Variants in ENOX1 observed in about 807,000 individuals in gnomAD.
ENOX1 encodes candidate growth-related and time keeping constitutive hydroquinone (NADH) oxidase.
ENOX1 carries 42 observed loss-of-function variants against 82.5 expected under a neutral mutation model. That is an observed-to-expected ratio of 0.51 (90% CI 0.40 to 0.66). The LOEUF is 0.66. ENOX1 is among the 30% of genes least tolerant of loss of function. The probability of loss-of-function intolerance (pLI) is 0.00; values close to 1 mark genes in which losing one functional copy is unlikely to be tolerated. For missense variants in ENOX1, 608 were observed against 811.6 expected (o/e 0.75, Z 3.05); for synonymous variants, 271 against 282.2 (o/e 0.96, Z 0.40).
At chr13:43,703,105 T>C (rs1216900393) in intron 1 of ENOX1, among the ~76,000 whole-genome samples, 1 of 151,828 alleles carries the variant, frequency 6.6e-6, no homozygotes, top group Non-Finnish European at 1.5e-5. Context: ...CTTCATAGGC[T>C]CCAAAACAGA....
chr13:43,715,990 C>T (rs193270598), intron 1 of ENOX1, among the ~76,000 whole-genome samples: 43 of 152,274 alleles, frequency 2.8e-4, no homozygotes, highest in Admixed American at 6.5e-4. Flanking sequence ...AACTTCTTTG[C>T]CATTGGTTTG....
chr13:43,603,240 G>T (rs1404664874), intron 2 of ENOX1, among the ~76,000 whole-genome samples: 1 of 151,692 alleles, frequency 6.6e-6, no homozygotes, highest in African/African-American at 2.4e-5. Context: ...ATGCTATATT[G>T]TCATGCTTTT....
intron 2 of ENOX1, chr13:43,609,876 G>T: frequency 1.0e-5 from 10 of 967,196 alleles, no homozygotes; most frequent in Non-Finnish European, 1.2e-5. Flanking sequence ...TACTACTAGG[G>T]ACTTACTTCA....
At chr13:43,627,264 C>A (rs781466121) in intron 2 of ENOX1, among the ~76,000 whole-genome samples, 4 of 151,972 alleles carry the variant, frequency 2.6e-5, no homozygotes, top group Non-Finnish European at 2.9e-5. Flanking sequence ...AGACTATCTG[C>A]ATTTAATGCA....
chr13:43,275,964 T>G (rs923341880), intron 12 of ENOX1, among the ~76,000 whole-genome samples: 4 of 152,184 alleles, frequency 2.6e-5, no homozygotes, highest in African/African-American at 9.7e-5. Flanking sequence ...GAATCATAAC[T>G]TGTTCCACTT....
At chr13:43,582,345 A>T (rs1198091589) in intron 2 of ENOX1, among the ~76,000 whole-genome samples, 1 of 152,160 alleles carries the variant, frequency 6.6e-6, no homozygotes, top group African/African-American at 2.4e-5. Flanking sequence ...TAAATTAAAC[A>T]TTCCATCCAG....
intron 5 of ENOX1, among the ~76,000 whole-genome samples, chr13:43,404,107 CA>C (rs929617909): frequency 5.3e-5 from 8 of 152,128 alleles, no homozygotes; most frequent in African/African-American, 1.9e-4. Flanking sequence ...TGCCATTCTT[CA>C]ATGCAGTCTC....
chr13:43,496,517 G>A (rs1005910682), intron 2 of ENOX1, among the ~76,000 whole-genome samples: 1 of 151,874 alleles, frequency 6.6e-6, no homozygotes, highest in Non-Finnish European at 1.5e-5. Flanking sequence ...CAAGTAGCTG[G>A]AACTACTGAT....
chr13:43,240,018 C>T (rs2042738279), intron 14 of ENOX1, among the ~76,000 whole-genome samples: 1 of 152,126 alleles, frequency 6.6e-6, no homozygotes, highest in Non-Finnish European at 1.5e-5. Flanking sequence ...ACTGTACCCT[C>T]TCTCTTTGTT....
intron 1 of ENOX1, among the ~76,000 whole-genome samples, chr13:43,779,986 C>T (rs1952166171): frequency 6.6e-6 from 1 of 152,028 alleles, no homozygotes; most frequent in Non-Finnish European, 1.5e-5. Context: ...GAAACCCCAT[C>T]TCTACTAAAA....
intron 1 of ENOX1, among the ~76,000 whole-genome samples, chr13:43,741,534 C>T (rs1225082001): frequency 6.6e-6 from 1 of 152,040 alleles, no homozygotes; most frequent in African/African-American, 2.4e-5. Context: ...AGACTGAGTA[C>T]CTTTTCATGT....
intron 3 of ENOX1, among the ~76,000 whole-genome samples, chr13:43,435,692 A>T (rs2055980348): frequency 6.6e-6 from 1 of 152,206 alleles, no homozygotes; most frequent in Non-Finnish European, 1.5e-5. Context: ...ATGCTTTTTT[A>T]AATATAATGG....
intron 14 of ENOX1, among the ~76,000 whole-genome samples, chr13:43,263,615 A>G (rs2044206748): frequency 6.6e-6 from 1 of 152,240 alleles, no homozygotes; most frequent in Middle Eastern, 3.2e-3. Context: ...CAGCAGATCA[A>G]TTTATAATCA....
intron 2 of ENOX1, among the ~76,000 whole-genome samples, chr13:43,524,402 G>A (rs1245835821): frequency 6.6e-6 from 1 of 152,082 alleles, no homozygotes; most frequent in Non-Finnish European, 1.5e-5. Context: ...TCACCAAGGT[G>A]TTGAGATCAA....
chr13:43,267,135 C>T (rs2044423726), intron 13 of ENOX1, among the ~76,000 whole-genome samples: 1 of 152,220 alleles, frequency 6.6e-6, no homozygotes, highest in Non-Finnish European at 1.5e-5. Flanking sequence ...CCACCCCTCT[C>T]CTTCCTCGAG....
At chr13:43,549,014 A>G (rs941738772) in intron 2 of ENOX1, among the ~76,000 whole-genome samples, 7 of 152,186 alleles carry the variant, frequency 4.6e-5, no homozygotes, top group African/African-American at 9.7e-5. Flanking sequence ...TGATCCTCCC[A>G]CAAACTCTGT....
At chr13:43,490,503 C>A (rs968277859) in intron 2 of ENOX1, among the ~76,000 whole-genome samples, 4 of 151,958 alleles carry the variant, frequency 2.6e-5, no homozygotes, top group Admixed American at 6.6e-5. Context: ...AAAATGTGTC[C>A]CCTTCAAAAT....
intron 2 of ENOX1, among the ~76,000 whole-genome samples, chr13:43,635,584 A>G (rs2083383920): frequency 6.6e-6 from 1 of 152,218 alleles, no homozygotes; most frequent in Non-Finnish European, 1.5e-5. Flanking sequence ...TTCAGCTCAT[A>G]TATTTCCTGT....
At chr13:43,475,134 T>C (rs1452582037) in intron 3 of ENOX1, among the ~76,000 whole-genome samples, 1 of 152,178 alleles carries the variant, frequency 6.6e-6, no homozygotes, top group African/African-American at 2.4e-5. Context: ...AGCAGATCTA[T>C]CATTATGATG....
Sources: allele counts gnomAD v4.1 joint callset (sites outside exome capture counted in the v4.1 genomes callset), GRCh38; gene constraint gnomAD v4.1.1; transcripts MANE v1.5; gene names NCBI Gene and HGNC (gene_info 2026-07-23, HGNC 2026-07-21).